The following EYA1 variants were observed in gnomAD, a reference collection of about 807,000 sequenced individuals.
EYA1 encodes the protein EYA transcriptional coactivator and phosphatase 1, also known as protein phosphatase EYA1.
EYA1 carries 16 observed loss-of-function variants against 82.0 expected under a neutral mutation model. The observed-to-expected ratio is 0.20, with a 90% CI of 0.13 to 0.30. The LOEUF (loss-of-function observed/expected upper bound fraction) is 0.30. EYA1 is among the 10% of genes least tolerant of loss of function. The pLI is 1.00. For synonymous variants in EYA1, 261 were observed against 264.4 expected, an observed-to-expected ratio of 0.99 and a Z score of 0.12; for missense variants, 633 against 730.7, an observed-to-expected ratio of 0.87 and a Z score of 1.54.
At chr8:71,532,976 T>A (rs1162254244) in intron 2 of EYA1, among the ~76,000 whole-genome samples, 1 of 152,194 alleles carries the variant, frequency 6.6e-6, no homozygotes. Context: ...ATGTGCAACA[T>A]CACTGATGAC....
intron 2 of EYA1, among the ~76,000 whole-genome samples, chr8:71,380,453 C>A (rs921715628): frequency 6.6e-6 from 1 of 152,110 alleles, no homozygotes. Context: ...CTTTCCACCA[C>A]GCATGCCATC....
At chr8:71,291,473 A>G (rs1818989411) in intron 9 of EYA1, among the ~76,000 whole-genome samples, 1 of 152,230 alleles carries the variant, frequency 6.6e-6, no homozygotes, top group Non-Finnish European at 1.5e-5. Flanking sequence ...TGATCAGCAC[A>G]CGTGAAGGTA....
rs926770367 is a variant in EYA1 at position 71,304,999 on chromosome 8, C to G, written c.557-5279G>C. Among the ~76,000 whole-genome samples, 5 of 142,836 alleles carry G rather than the reference C, an allele frequency of 3.5e-5. 1 individual carries two copies. The East Asian group carries it at 6.2e-4, about 18-fold the overall frequency. 93.7% of individuals were successfully genotyped at this position (142,836 alleles called of 152,430 possible). ...CATTTGTGTAGAAGGCTGTCACACA[C>G]CAGGCTTGAACCTGGATGCTAGAGA... On this transcript the variant is annotated intron_variant, in intron 7 of 17. Coordinates refer to ENST00000340726, the MANE Select transcript of EYA1 (RefSeq NM_000503.6).
At chr8:71,273,947 T>G (rs1816840525) in intron 9 of EYA1, among the ~76,000 whole-genome samples, 1 of 152,256 alleles carries the variant, frequency 6.6e-6, no homozygotes. Flanking sequence ...CTCCTATTGA[T>G]GGCTCATTCC....
chr8:71,306,693 CCTT>C (rs1403278727), intron 7 of EYA1, among the ~76,000 whole-genome samples: 1 of 152,152 alleles, frequency 6.6e-6, no homozygotes, highest in African/African-American at 2.4e-5. Context: ...CATTTTCCAT[CCTT>C]CAAGGCCTCA....
At chr8:71,464,470 A>G (rs1039635975) in intron 2 of EYA1, among the ~76,000 whole-genome samples, 2 of 152,242 alleles carry the variant, frequency 1.3e-5, no homozygotes, top group Admixed American at 6.5e-5. Context: ...TGTGCCACTT[A>G]CACAGGTAAA....
At chr8:71,526,225 C>CAT (rs143801026) in intron 2 of EYA1, among the ~76,000 whole-genome samples, 1 of 149,646 alleles carries the variant, frequency 6.7e-6, no homozygotes, top group Non-Finnish European at 1.5e-5. Context: ...ATGTATATTA[C>CAT]ATATATATAT....
intron 11 of EYA1, among the ~76,000 whole-genome samples, chr8:71,257,255 A>G (rs938899998): frequency 2.0e-5 from 3 of 152,196 alleles, no homozygotes; most frequent in Non-Finnish European, 4.4e-5. Context: ...GAAGATATAC[A>G]TAAACAAGAT....
At chr8:71,493,068 T>A (rs1324754264) in intron 2 of EYA1, among the ~76,000 whole-genome samples, 2 of 152,220 alleles carry the variant, frequency 1.3e-5, no homozygotes, top group South Asian at 2.1e-4. Context: ...TCCAGCCCCA[T>A]CCATGTTCCT....
intron 2 of EYA1, among the ~76,000 whole-genome samples, chr8:71,391,313 G>A (rs868280895): frequency 4.6e-5 from 7 of 152,016 alleles, no homozygotes; most frequent in Admixed American, 1.3e-4. Context: ...AATAGCTTCC[G>A]TTTCACTGTT....
At chr8:71,265,765 A>G (rs1039469611) in intron 11 of EYA1, among the ~76,000 whole-genome samples, 7 of 152,368 alleles carry the variant, frequency 4.6e-5, no homozygotes, top group African/African-American at 1.7e-4. Context: ...GTTTTAAAGC[A>G]ACTTTTAAAA....
rs764146588 is a variant in EYA1, at chr8:71,339,529, G to A, written c.125-5355C>T. Among the ~76,000 whole-genome samples the A allele has an allele frequency of 4.6e-5, 7 of 151,194 alleles. No individual in the cohort carries two copies. The East Asian group carries it at 5.8e-4, about 13-fold the overall frequency. ...TTTTTTCCACGTTCCTTACGCTCCCGAGACATACCTCATCCCTCACCATCT... is the reference window on the plus strand; with the variant it reads ...TTTTTTCCACGTTCCTTACGCTCCCAAGACATACCTCATCCCTCACCATCT... On this transcript the variant is annotated intron_variant, in intron 3 of 17. Coordinates refer to ENST00000340726, the MANE Select transcript of EYA1 (RefSeq NM_000503.6).
intron 2 of EYA1, among the ~76,000 whole-genome samples, chr8:71,379,307 C>T (rs1033326602): frequency 3.9e-5 from 6 of 152,102 alleles, no homozygotes; most frequent in African/African-American, 7.2e-5. Context: ...GAATACATCT[C>T]TACAGGGGCC....
chr8:71,462,476 A>G (rs1228607921), intron 2 of EYA1, among the ~76,000 whole-genome samples: 1 of 152,168 alleles, frequency 6.6e-6, no homozygotes, highest in African/African-American at 2.4e-5. Context: ...CCTCAAGTGT[A>G]CAGAGGTGCA....
chr8:71,528,557 T>A (rs1030345052), intron 2 of EYA1, among the ~76,000 whole-genome samples: 3 of 152,080 alleles, frequency 2.0e-5, no homozygotes, highest in Non-Finnish European at 2.9e-5. Flanking sequence ...AAATGAAAAA[T>A]TTTGCCTAAT....
chr8:71,466,604 T>C (rs1267536171), intron 2 of EYA1, among the ~76,000 whole-genome samples: 1 of 152,132 alleles, frequency 6.6e-6, no homozygotes, highest in Admixed American at 6.5e-5. Flanking sequence ...CGTTAATCAA[T>C]ATTCAGGACA....
chr8:71,278,362 G>C (rs561207634), intron 9 of EYA1, among the ~76,000 whole-genome samples: 12 of 152,072 alleles, frequency 7.9e-5, no homozygotes, highest in Admixed American at 1.3e-4. Flanking sequence ...TCCTTAATAC[G>C]CTGTTTTCTT....
In EYA1 at chr8:71,403,588, C is replaced by A. The variant is rs1830066652; in HGVS notation, c.34-47077G>T. 3 of 151,952 alleles carry A rather than the reference C, an allele frequency of 2.0e-5. No homozygotes were observed. The South Asian group carries it at 6.2e-4, about 32-fold the overall frequency. The allele number at this position is 151,952 out of a possible 1,614,324, so 9.4% of individuals were successfully genotyped here. On this transcript the variant is annotated intron_variant, in intron 2 of 18. Transcript: ENST00000643681. Reference sequence around the variant, plus strand: ...TTTCACTGCACCATTTTGGTTACTGCAAAAATGGGATCTACTTGATCATCT... The same window carrying A: ...TTTCACTGCACCATTTTGGTTACTGAAAAAATGGGATCTACTTGATCATCT...
chr8:71,325,398 T>C (rs540655089), intron 4 of EYA1, among the ~76,000 whole-genome samples: 2 of 152,312 alleles, frequency 1.3e-5, no homozygotes, highest in South Asian at 2.1e-4. Flanking sequence ...ATGTAGTGTA[T>C]AGATGGTTAC....
Sources: allele counts gnomAD v4.1 joint callset (sites outside exome capture counted in the v4.1 genomes callset), GRCh38; gene constraint gnomAD v4.1.1; transcripts MANE v1.5; gene names NCBI Gene and HGNC (gene_info 2026-07-23, HGNC 2026-07-21).